Variants in TEK observed in about 807,000 individuals in gnomAD.
TEK encodes the protein TEK receptor tyrosine kinase, also known as angiopoietin-1 receptor.
A neutral mutation model predicts 131.8 loss-of-function variants in TEK; 43 were observed. The ratio of observed to expected loss-of-function variants is 0.33; its 90% CI spans 0.26 to 0.42. TEK has a LOEUF of 0.42. TEK is among the 10% of genes least tolerant of loss of function. The pLI, the probability that TEK is intolerant of heterozygous loss-of-function variation, is 1.00. For missense variants in TEK, 1,162 were observed against 1,384.4 expected (o/e 0.84, Z 2.55); for synonymous variants, 580 against 491.6 (o/e 1.18, Z -2.38).
intron 21 of TEK, among the ~76,000 whole-genome samples, chr9:27,221,070 T>G (rs377699170): frequency 9.2e-5 from 14 of 152,142 alleles, no homozygotes; most frequent in African/African-American, 3.4e-4. Context: ...GGGAGGACGC[T>G]CCAGCTTGGT....
At chr9:27,211,541 A>G (rs1164654902) in intron 16 of TEK, among the ~76,000 whole-genome samples, 4 of 142,798 alleles carry the variant, frequency 2.8e-5, no homozygotes, top group Non-Finnish European at 6.0e-5. Flanking sequence ...CAACCTCCCC[A>G]TCCCTGGGCT....
intron 1 of TEK, among the ~76,000 whole-genome samples, chr9:27,114,010 C>T (rs993756893): frequency 2.6e-5 from 4 of 152,246 alleles, no homozygotes; most frequent in African/African-American, 9.6e-5. Flanking sequence ...CCAACTCTTC[C>T]TCCTGATGTT....
chr9:27,223,402 G>A (rs909667271), intron 21 of TEK, among the ~76,000 whole-genome samples: 60 of 152,136 alleles, frequency 3.9e-4, no homozygotes, highest in African/African-American at 1.4e-3. Flanking sequence ...GCGAAAAAAC[G>A]GAAATCATAA....
In TEK at chr9:27,229,226, G is replaced by A. The variant is rs544322437; in HGVS notation, c.3369G>A (p.Ala1123=). The A allele has an allele frequency of 3.8e-5, 62 of 1,613,720 alleles. No individual in the cohort carries two copies. Among genetic ancestry groups the A allele is most frequent in the South Asian group, 2.7e-4 (25 of 91,078 alleles). ...GAATTGACTGTTCTGCTGAAGAAGC[G>A]GCCTAGGACAGAACATCTGTATACC... The part of the protein sequence containing the change: ...YAGIDCSAEE[A]A The change falls in exon 23 of 23, where the codon GCG becomes GCA. Residue 1123 remains alanine, a synonymous_variant. Transcript: ENST00000380036.
chr9:27,154,139 C>T (rs1433948880), intron 1 of TEK, among the ~76,000 whole-genome samples: 1 of 151,976 alleles, frequency 6.6e-6, no homozygotes, highest in Non-Finnish European at 1.5e-5. Flanking sequence ...ATTTTTTTCT[C>T]TCTCTCTTTC....
At chr9:27,180,679 G>A (rs1824333310) in intron 7 of TEK, among the ~76,000 whole-genome samples, 1 of 152,094 alleles carries the variant, frequency 6.6e-6, no homozygotes, top group South Asian at 2.1e-4. Context: ...CCTTTTCCCT[G>A]GACATGCGTA....
At position 27,120,631 on chromosome 9, in the gene TEK, C is replaced by T. The variant is rs553164383; in HGVS notation, c.52+10989C>T. 9.2e-5 allele frequency among the ~76,000 whole-genome samples: 14 copies of T among 152,316 alleles called. 1 individual carries two copies. In the South Asian group the frequency reaches 1.9e-3, roughly 20 times the overall value. On this transcript the variant is annotated intron_variant, in intron 1 of 22. Coordinates refer to ENST00000380036, the MANE Select transcript of TEK (RefSeq NM_000459.5). The stretch of plus-strand genomic sequence containing the variant: ...ATGAAATGAGACTTAGAACTTCATC[C>T]GCAAATGAAAAGGGGAGGCATTCAT...
chr9:27,191,602 A>AG (rs397894413), intron 10 of TEK, among the ~76,000 whole-genome samples: 1 of 150,148 alleles, frequency 6.7e-6, no homozygotes, highest in African/African-American at 2.5e-5. Context: ...AAAAAAAAAA[A>AG]GAGAAGAGGA....
chr9:27,115,495 T>C (rs909199479), intron 1 of TEK, among the ~76,000 whole-genome samples: 2 of 150,174 alleles, frequency 1.3e-5, no homozygotes, highest in Non-Finnish European at 3.0e-5. Flanking sequence ...CGAGACATTG[T>C]CTCAAAAAAA....
intron 1 of TEK, among the ~76,000 whole-genome samples, chr9:27,112,035 C>T (rs1315752275): frequency 6.6e-6 from 1 of 151,856 alleles, no homozygotes; most frequent in Non-Finnish European, 1.5e-5. Flanking sequence ...GTAGCTGGGA[C>T]TACAGGCGTG....
At chr9:27,219,745 A>AAAAC (rs1825982839) in intron 20 of TEK, among the ~76,000 whole-genome samples, 1 of 138,418 alleles carries the variant, frequency 7.2e-6, no homozygotes, top group Non-Finnish European at 1.6e-5. Flanking sequence ...GGTTAATCTT[A>AAAAC]TTGGTATAAT....
At chr9:27,139,277 A>AT (rs1207040534) in intron 1 of TEK, among the ~76,000 whole-genome samples, 2 of 140,194 alleles carry the variant, frequency 1.4e-5, no homozygotes, top group South Asian at 2.2e-4. Context: ...TTTACTTTTG[A>AT]TTTTTTTCTG....
At chr9:27,187,065 C>T (rs888914959) in intron 9 of TEK, among the ~76,000 whole-genome samples, 5 of 152,102 alleles carry the variant, frequency 3.3e-5, no homozygotes, top group Admixed American at 6.6e-5. Flanking sequence ...GAAAAATTAC[C>T]CTACTTTTAA....
Position 27,229,483 on chromosome 9 carries a change from ATATAT to A in TEK, c.*253_*257del. 1 of 519,500 alleles carries A rather than the reference ATATAT, an allele frequency of 1.9e-6. No individual in the cohort carries two copies. Among genetic ancestry groups the A allele is most frequent in the Non-Finnish European group, 3.5e-6 (1 of 289,090 alleles). 32.2% of individuals were successfully genotyped at this position (519,500 alleles called of 1,614,324 possible). On this transcript the variant is annotated 3_prime_UTR_variant, in exon 23 of 23. Coordinates refer to ENST00000380036, the MANE Select transcript of TEK (RefSeq NM_000459.5). ...CCTGTTTGTGGTTTCATATGCAATAATATATTTTTTTAAAAATGTGGACTTCATAG... is the reference window on the plus strand; with the variant it reads ...CCTGTTTGTGGTTTCATATGCAATAATTTTTTAAAAATGTGGACTTCATAG...
In TEK at chr9:27,190,641, G is replaced by C; in HGVS notation, c.1440G>C (p.Lys480Asn). Residue 480 changes from lysine (K) to asparagine (N), a missense_variant, in exon 10 of 23, where the codon AAG becomes AAC. Around this residue, in one of 6 missense-constraint regions of TEK, gnomAD observed 477 missense variants for 471.0 expected, o/e 1.01. Transcript: ENST00000380036. ...YFGDGPIKSK[K>N]LLYKPVNHYE... is the part of the protein sequence containing the mutation. ...GGGATGGACCAATCAAATCCAAGAA[G>C]CTTCTATACAAACCCGTTAATCACT... is the stretch of plus-strand genomic sequence containing the variant. The C allele has an allele frequency of 6.2e-7, 1 of 1,613,974 alleles. No homozygotes were observed. The highest frequency in any genetic ancestry group is 8.5e-7 in the Non-Finnish European group (1 of 1,179,908).
At chr9:27,227,505 G>A (rs1019105579) in intron 21 of TEK, among the ~76,000 whole-genome samples, 1 of 152,264 alleles carries the variant, frequency 6.6e-6, no homozygotes, top group African/African-American at 2.4e-5. Context: ...TCACAGTTCT[G>A]AAGGCTGGGA....
intron 9 of TEK, among the ~76,000 whole-genome samples, chr9:27,189,607 CAG>C (rs1824731034): frequency 6.6e-6 from 1 of 152,068 alleles, no homozygotes; most frequent in Admixed American, 6.6e-5. Flanking sequence ...TGACAATAGT[CAG>C]AGATGTGGTG....
intron 12 of TEK, among the ~76,000 whole-genome samples, chr9:27,198,063 T>TTTC (rs1554698524): frequency 6.6e-6 from 1 of 152,154 alleles, no homozygotes; most frequent in Admixed American, 6.5e-5. Flanking sequence ...ACTTTTTTTT[T>TTTC]CCAAAGTATT....
At chr9:27,125,033 G>C (rs1358627446) in intron 1 of TEK, among the ~76,000 whole-genome samples, 1 of 152,096 alleles carries the variant, frequency 6.6e-6, no homozygotes, top group African/African-American at 2.4e-5. Flanking sequence ...CTGCATCATA[G>C]CCACAAACTC....
Sources: gnomAD v4.1 joint callset for allele counts (sites outside exome capture counted in the v4.1 genomes callset) on GRCh38, gnomAD v4.1.1 for gene constraint, gnomAD v4.1.1 regional missense constraint, MANE v1.5 for transcripts, NCBI Gene and HGNC (gene_info 2026-07-23, HGNC 2026-07-21) for gene names.